PACRG: variants seen among roughly 807,000 people sequenced by gnomAD.
PACRG encodes parkin coregulated.
A neutral mutation model predicts 29.7 loss-of-function variants in PACRG; 29 were observed. The ratio of observed to expected loss-of-function variants is 0.98; its 90% CI spans 0.73 to 1.33. The LOEUF (loss-of-function observed/expected upper bound fraction) is 1.33. Among genes scored for constraint, PACRG ranks in the 40% most tolerant of loss-of-function variants. The pLI is 0.00. For synonymous variants in PACRG, 116 were observed against 118.7 expected (o/e 0.98, Z 0.15); for missense variants, 279 against 316.2 (o/e 0.88, Z 0.89).
intron 4 of PACRG, among the ~76,000 whole-genome samples, chr6:163,302,483 A>G (rs1166771761): frequency 6.6e-6 from 1 of 152,214 alleles, no homozygotes; most frequent in Non-Finnish European, 1.5e-5. Context: ...TAACTAAGAC[A>G]GTTGTAAAAG....
chr6:162,965,950 C>T (rs1270366816), intron 2 of PACRG, among the ~76,000 whole-genome samples: 1 of 152,118 alleles, frequency 6.6e-6, no homozygotes, highest in Non-Finnish European at 1.5e-5. Flanking sequence ...GAAATGCATC[C>T]AAGTCAACTG....
At chr6:163,234,201 C>A (rs1053047441) in intron 4 of PACRG, among the ~76,000 whole-genome samples, 7 of 150,854 alleles carry the variant, frequency 4.6e-5, no homozygotes, top group African/African-American at 1.7e-4. Context: ...GCTGCCAAGT[C>A]TCATGTTGAA....
In PACRG at chr6:162,777,505, G is replaced by A. The variant is rs900641607; in HGVS notation, c.157-36642G>A. On this transcript the variant is annotated intron_variant, in intron 1 of 4. Transcript: ENST00000366888. This position sits in a 1 kb window ranked among gnomAD's most constrained non-coding sequence, Gnocchi z 4.0. ...CTACCCTGTCCTTTCAGGGCTTACA[G>A]AGACTTTGGTGAGATGTTGGATTTG... Among the ~76,000 whole-genome samples, 6 of 152,314 alleles carry A rather than the reference G, an allele frequency of 3.9e-5. No homozygotes were observed. The highest frequency in any genetic ancestry group is 1.2e-4 in the African/African-American group (5 of 41,570).
chr6:162,947,441 T>C (rs1349072964), intron 2 of PACRG, among the ~76,000 whole-genome samples: 1 of 45,440 alleles, frequency 2.2e-5, no homozygotes, highest in Non-Finnish European at 4.9e-5. Context: ...ATATATAAAA[T>C]ATATATAATC....
intron 2 of PACRG, among the ~76,000 whole-genome samples, chr6:162,903,787 C>T (rs1177732432): frequency 1.3e-5 from 2 of 152,114 alleles, no homozygotes; most frequent in African/African-American, 4.8e-5. Flanking sequence ...GGGAAACTGC[C>T]CCCAAATACC....
chr6:162,791,387 C>T (rs573917457), intron 1 of PACRG, among the ~76,000 whole-genome samples: 10 of 150,138 alleles, frequency 6.7e-5, no homozygotes, highest in African/African-American at 2.5e-4. Context: ...TTAGTGTCAC[C>T]TTTGATTCTC....
intron 4 of PACRG, among the ~76,000 whole-genome samples, chr6:163,231,877 C>T (rs568427629): frequency 6.6e-6 from 1 of 152,372 alleles, no homozygotes; most frequent in South Asian, 2.1e-4. Flanking sequence ...CCCAAGAATG[C>T]TGAGCACGCA....
intron 4 of PACRG, among the ~76,000 whole-genome samples, chr6:163,129,588 T>C (rs565339679): frequency 9.2e-5 from 14 of 152,348 alleles, no homozygotes; most frequent in African/African-American, 3.4e-4. Context: ...CACAGTACTC[T>C]GTGTCCAGTG....
rs140612156 is a variant in PACRG at position 162,912,875 on chromosome 6, A to G, written c.291+98594A>G. 2.8e-3 allele frequency among the ~76,000 whole-genome samples: 429 copies of G among 151,632 alleles called. 3 individuals carry two copies. Among genetic ancestry groups the G allele is most frequent in the East Asian group, 0.018 (94 of 5,148 alleles). On this transcript the variant is annotated intron_variant, in intron 2 of 4. Transcript: ENST00000366888. Reference sequence around the variant, plus strand: ...ATGAGCCACTGCACCCGGCCCACACATTATATTCTTATAAATACATGTGTA... The same window carrying G: ...ATGAGCCACTGCACCCGGCCCACACGTTATATTCTTATAAATACATGTGTA...
chr6:163,245,656 G>T (rs948829922), intron 4 of PACRG, among the ~76,000 whole-genome samples: 8 of 152,112 alleles, frequency 5.3e-5, no homozygotes, highest in African/African-American at 1.7e-4. Flanking sequence ...TGCACTGATG[G>T]TTCCCTCATT....
At chr6:163,214,120 A>G (rs188060090) in intron 4 of PACRG, among the ~76,000 whole-genome samples, 7 of 152,340 alleles carry the variant, frequency 4.6e-5, no homozygotes, top group East Asian at 3.9e-4. Context: ...ACCGTCTACA[A>G]TGATGAAAAT....
intron 2 of PACRG, among the ~76,000 whole-genome samples, chr6:162,910,478 C>G (rs1196958699): frequency 6.6e-6 from 1 of 152,076 alleles, no homozygotes; most frequent in African/African-American, 2.4e-5. Flanking sequence ...CTCACTACTG[C>G]TAAGCTGTAT....
chr6:163,073,263 G>T (rs570437), intron 3 of PACRG, among the ~76,000 whole-genome samples: 74,946 of 151,960 alleles, frequency 0.49, 21,196 homozygotes, highest in East Asian at 0.96. Context: ...AGATAAGAGA[G>T]AAGTCAGAAA....
At chr6:163,101,378 T>A (rs986353237) in intron 4 of PACRG, 2 of 977,794 alleles carry the variant, frequency 2.0e-6, no homozygotes, top group Admixed American at 6.2e-5. Flanking sequence ...TTTTGAGGAG[T>A]TCATAGTTTT....
intron 4 of PACRG, among the ~76,000 whole-genome samples, chr6:163,237,338 T>C (rs370443263): frequency 1.9e-4 from 29 of 152,306 alleles, no homozygotes; most frequent in African/African-American, 7.0e-4. Context: ...TACATCCTAA[T>C]TTGCAGTAAT....
At chr6:163,213,217 TCAGA>T (rs1046154467) in intron 4 of PACRG, among the ~76,000 whole-genome samples, 1 of 151,998 alleles carries the variant, frequency 6.6e-6, no homozygotes, top group African/African-American at 2.4e-5. Flanking sequence ...TTAGGAAGTG[TCAGA>T]CAAACCCCAA....
intron 1 of PACRG, among the ~76,000 whole-genome samples, chr6:162,730,895 T>A (rs1258099429): frequency 6.6e-6 from 1 of 152,158 alleles, no homozygotes; most frequent in Non-Finnish European, 1.5e-5. Context: ...AAAGTCTTGT[T>A]TGGGGTGTGA....
At chr6:163,269,837 AAAAG>A (rs57405125) in intron 4 of PACRG, among the ~76,000 whole-genome samples, 1,063 of 34,818 alleles carry the variant, frequency 0.031, 212 homozygotes, top group African/African-American at 0.11. Flanking sequence ...GAAAGAAAGA[AAAAG>A]AAAGAAAGAA....
chr6:163,112,059 G>A (rs1197202174), intron 4 of PACRG: 1 of 961,572 alleles, frequency 1.0e-6, no homozygotes, highest in African/African-American at 1.8e-5. Context: ...ATTCATTGAG[G>A]AATTTTTAAA....
Sources: gnomAD v4.1 joint callset for allele counts (sites outside exome capture counted in the v4.1 genomes callset) on GRCh38, gnomAD v4.1.1 for gene constraint, Gnocchi (gnomAD v3.1) non-coding constraint, MANE v1.5 for transcripts, NCBI Gene and HGNC (gene_info 2026-07-23, HGNC 2026-07-21) for gene names.